Variants in ADAMTS17 observed in about 807,000 individuals in gnomAD.
ADAMTS17 encodes the protein ADAM metallopeptidase with thrombospondin type 1 motif 17.
Under a neutral mutation model 141.5 loss-of-function variants are expected in ADAMTS17, and 113 were observed. The ratio of observed to expected loss-of-function variants is 0.80; its 90% CI spans 0.69 to 0.93. The LOEUF is 0.93. ADAMTS17 is among the 40% of genes least tolerant of loss of function. ADAMTS17 has a pLI of 0.00. For missense variants in ADAMTS17, 1,659 were observed against 1,517.9 expected, an observed-to-expected ratio of 1.09 and a Z score of -1.54; for synonymous variants, 768 against 630.6, an observed-to-expected ratio of 1.22 and a Z score of -3.27.
Position 99,973,960 on chromosome 15 carries a change from G to A in ADAMTS17, c.*442C>T, listed in dbSNP as rs375434112. 3.7e-6 allele frequency: 1 copy of A among 271,440 alleles called. No individual in the cohort carries two copies. The highest frequency in any genetic ancestry group is 3.9e-5 in the South Asian group (1 of 25,918). 16.8% of individuals were successfully genotyped at this position (271,440 alleles called of 1,614,324 possible). On this transcript the variant is annotated 3_prime_UTR_variant, in exon 22 of 22. Transcript: ENST00000268070. ...CACGGGCAGAGGCTCACCAACACCT[G>A]CCCCTCCCTCCATGGTGTCGCCGGC...
At chr15:100,299,020 G>A (rs1319208390) in intron 3 of ADAMTS17, among the ~76,000 whole-genome samples, 1 of 152,094 alleles carries the variant, frequency 6.6e-6, no homozygotes, top group Non-Finnish European at 1.5e-5. Context: ...TTGTCCCTCT[G>A]TACATGTCTG....
intron 7 of ADAMTS17, among the ~76,000 whole-genome samples, chr15:100,200,628 A>G (rs2041292839): frequency 6.6e-6 from 1 of 152,178 alleles, no homozygotes; most frequent in South Asian, 2.1e-4. Flanking sequence ...GGGTGGCTAT[A>G]GGAGCTCAGT....
chr15:100,142,197 A>G (rs1000746398), intron 10 of ADAMTS17, among the ~76,000 whole-genome samples: 5 of 152,246 alleles, frequency 3.3e-5, no homozygotes, highest in African/African-American at 1.2e-4. Context: ...AACTGGCATC[A>G]GAGGAACAAA....
At chr15:100,068,349 C>T (rs183465728) in intron 15 of ADAMTS17, among the ~76,000 whole-genome samples, 7 of 152,302 alleles carry the variant, frequency 4.6e-5, no homozygotes, top group East Asian at 3.9e-4. Flanking sequence ...AAACAAAAGG[C>T]AGCAGTAACC....
intron 3 of ADAMTS17, among the ~76,000 whole-genome samples, chr15:100,302,463 A>C (rs1429587805): frequency 1.3e-4 from 20 of 152,188 alleles, no homozygotes. Context: ...TTCTATGCTT[A>C]AACTTTTAAA....
At chr15:100,048,370 T>C (rs1315791398) in intron 18 of ADAMTS17, among the ~76,000 whole-genome samples, 2 of 152,084 alleles carry the variant, frequency 1.3e-5, no homozygotes, top group East Asian at 3.8e-4. Context: ...AACACGGCCA[T>C]GAAAGCTGGG....
At chr15:100,138,998 G>A (rs542191633) in intron 10 of ADAMTS17, among the ~76,000 whole-genome samples, 2 of 152,200 alleles carry the variant, frequency 1.3e-5, no homozygotes, top group East Asian at 1.9e-4. Flanking sequence ...GCGCATGGGG[G>A]GTATTTTGGG....
chr15:100,204,746 T>A (rs1380698440), intron 7 of ADAMTS17, among the ~76,000 whole-genome samples: 1 of 152,142 alleles, frequency 6.6e-6, no homozygotes, highest in Non-Finnish European at 1.5e-5. Flanking sequence ...AGCTATAACA[T>A]CAAAAGCACA....
At chr15:100,179,156 T>A (rs1289026649) in intron 8 of ADAMTS17, among the ~76,000 whole-genome samples, 2 of 152,212 alleles carry the variant, frequency 1.3e-5, no homozygotes, top group Non-Finnish European at 2.9e-5. Flanking sequence ...TGGAACCAAA[T>A]ACTAGGTCTT....
intron 18 of ADAMTS17, among the ~76,000 whole-genome samples, chr15:100,007,668 A>G (rs554722011): frequency 3.0e-3 from 453 of 152,196 alleles, no homozygotes; most frequent in Non-Finnish European, 5.0e-3. Flanking sequence ...TGGTACCTCC[A>G]CTGAGAAGGA....
At chr15:100,051,881 G>C (rs964948837) in intron 16 of ADAMTS17, 150 bp from the exon 17 acceptor site, 3 of 990,756 alleles carry the variant, frequency 3.0e-6, no homozygotes, top group African/African-American at 3.2e-5. Flanking sequence ...CACTGAGGGT[G>C]CTCCTTTATC....
In ADAMTS17 at chr15:100,116,950, C is replaced by G. The variant is rs994281689; in HGVS notation, c.1785G>C (p.Leu595=). The G allele has an allele frequency of 6.2e-7, 1 of 1,614,048 alleles. No homozygotes were observed. Among genetic ancestry groups the G allele is most frequent in the Non-Finnish European group, 8.5e-7 (1 of 1,180,012 alleles). ...AGCTGGGCAGACCCTTGGGGCAGGG[C>G]AGGTTCTCGCAGACCGCATGTTCTA... ...ASVEHAVCEN[L]PCPKGLPSFR... The change falls in exon 13 of 22, where the codon CTG becomes CTC. Residue 595 remains leucine (L), a synonymous_variant. Transcript: ENST00000268070.
chr15:100,064,880 C>T (rs776233747), intron 15 of ADAMTS17, among the ~76,000 whole-genome samples: 2 of 152,094 alleles, frequency 1.3e-5, no homozygotes, highest in African/African-American at 2.4e-5. Flanking sequence ...TTTAGACAAG[C>T]GTATTAGGCG....
chr15:100,136,060 G>A (rs1358261659), intron 10 of ADAMTS17, among the ~76,000 whole-genome samples: 1 of 152,182 alleles, frequency 6.6e-6, no homozygotes, highest in Non-Finnish European at 1.5e-5. Context: ...CTAATACCCA[G>A]CAATTCGAAT....
intron 8 of ADAMTS17, among the ~76,000 whole-genome samples, chr15:100,188,519 C>A (rs1227082554): frequency 6.6e-6 from 1 of 152,192 alleles, no homozygotes; most frequent in Non-Finnish European, 1.5e-5. Context: ...ACGTGGAAAA[C>A]CCCCATTTCA....
rs777267980 is a variant in ADAMTS17, at chr15:100,096,382, C to T, written c.2111G>A (p.Gly704Asp). The stretch of plus-strand genomic sequence containing the variant: ...TGTCCCCCGGGCGTGGCTGAAGTCG[C>T]CCTTCACCAAGTGGCAGGTCTTGCC... ...GDGKTCHLVK[G>D]DFSHARGTAL... The change falls in exon 15 of 22, where the codon GGC becomes GAC. Residue 704 changes from glycine (G) to aspartate (D), a missense_variant. Physicochemically the swap from Gly to Asp is moderately conservative, Grantham distance 94. Coordinates refer to ENST00000268070, the MANE Select transcript of ADAMTS17 (RefSeq NM_139057.4). The T allele has an allele frequency of 6.7e-5, 108 of 1,614,064 alleles. No homozygotes were observed. Among genetic ancestry groups the T allele is most frequent in the Admixed American group, 5.7e-4 (34 of 60,028 alleles).
chr15:100,000,432 T>G (rs757268073), intron 18 of ADAMTS17, among the ~76,000 whole-genome samples: 4 of 152,230 alleles, frequency 2.6e-5, no homozygotes, highest in African/African-American at 4.8e-5. Context: ...GAGGACAACA[T>G]GGCCCAGATG....
At chr15:100,125,659 G>C (rs951539888) in intron 12 of ADAMTS17, among the ~76,000 whole-genome samples, 1 of 152,108 alleles carries the variant, frequency 6.6e-6, no homozygotes, top group African/African-American at 2.4e-5. Context: ...GTAAATTAGA[G>C]ATGCATTTTC....
At chr15:100,225,036 C>A (rs1246296463) in intron 7 of ADAMTS17, among the ~76,000 whole-genome samples, 1 of 152,208 alleles carries the variant, frequency 6.6e-6, no homozygotes, top group Non-Finnish European at 1.5e-5. Flanking sequence ...AGAACCAAGT[C>A]CTCCCTGTTA....
Sources: gnomAD v4.1 joint callset for allele counts (sites outside exome capture counted in the v4.1 genomes callset) on GRCh38, gnomAD v4.1.1 for gene constraint, MANE v1.5 for transcripts, NCBI Gene and HGNC (gene_info 2026-07-23, HGNC 2026-07-21) for gene names.